POU2F2: variants seen among roughly 807,000 people sequenced by gnomAD.
POU2F2 encodes POU domain, class 2, transcription factor 2.
Under a neutral mutation model 63.5 loss-of-function variants are expected in POU2F2, and 14 were observed. That is an observed-to-expected ratio of 0.22 (90% CI 0.15 to 0.34). The LOEUF is 0.34. Ranked by LOEUF, POU2F2 falls within the 10% of genes least tolerant of loss-of-function variation. The probability of loss-of-function intolerance (pLI) is 1.00; values close to 1 mark genes in which losing one functional copy is unlikely to be tolerated. For synonymous variants in POU2F2, 306 were observed against 348.6 expected (o/e 0.88, Z 1.36); for missense variants, 607 against 815.2 (o/e 0.74, Z 3.11).
At chr19:42,194,067 C>T (rs188694558) in intron 1 of POU2F2, among the ~76,000 whole-genome samples, 26 of 152,300 alleles carry the variant, frequency 1.7e-4, no homozygotes, top group African/African-American at 5.3e-4. Context: ...ATAAAATTAA[C>T]TCTATCACTG....
At chr19:42,151,997 C>A (rs971950681) in intron 2 of POU2F2, among the ~76,000 whole-genome samples, 3 of 152,158 alleles carry the variant, frequency 2.0e-5, no homozygotes, top group East Asian at 3.9e-4. Flanking sequence ...ACCTGGCTAG[C>A]GGTGGCTGGG....
At chr19:42,148,174 C>T (rs1466900338) in intron 2 of POU2F2, among the ~76,000 whole-genome samples, 1 of 152,076 alleles carries the variant, frequency 6.6e-6, no homozygotes, top group Non-Finnish European at 1.5e-5. Context: ...CTCATCTCCA[C>T]CCCAAGACCC....
intron 1 of POU2F2, among the ~76,000 whole-genome samples, chr19:42,193,217 C>CAAAAAA (rs1046136227): frequency 1.5e-5 from 1 of 65,986 alleles, no homozygotes. Flanking sequence ...GACTCCGTCT[C>CAAAAAA]AAAAAAAAAA....
chr19:42,131,687 C>G lies in POU2F2; in HGVS notation c.28+697G>C, dbSNP rs140868494. 2.6e-3 allele frequency among the ~76,000 whole-genome samples: 391 copies of G among 152,338 alleles called. 2 individuals carry two copies. The highest frequency in any genetic ancestry group is 4.1e-3 in the Non-Finnish European group (278 of 68,034). On this transcript the variant is annotated intron_variant, in intron 1 of 14. Transcript: ENST00000692977. ...AGAAGGCATTTAATAAGCACACAAA[C>G]AAACACATAATGAAATTCCCAGCAG...
intron 1 of POU2F2, among the ~76,000 whole-genome samples, chr19:42,129,864 G>A (rs568054873): frequency 2.0e-5 from 3 of 152,310 alleles, no homozygotes; most frequent in South Asian, 2.1e-4. Flanking sequence ...CCACAGCTGC[G>A]CTGACAGCAG....
intron 14 of POU2F2, 75 bp downstream of exon 14, chr19:42,091,792 G>A (rs1432241286): frequency 2.6e-6 from 4 of 1,544,566 alleles, no homozygotes; most frequent in Non-Finnish European, 2.6e-6. Flanking sequence ...GGCATGGCTG[G>A]AGCAGCAATG....
rs901083089 is a variant in POU2F2, at chr19:42,152,285, G to A, written c.-9+8047C>T. Among the ~76,000 whole-genome samples, 14 of 152,068 alleles carry A rather than the reference G, an allele frequency of 9.2e-5. No homozygotes were observed. Among genetic ancestry groups the A allele is most frequent in the East Asian group, 3.9e-4 (2 of 5,188 alleles). Reference sequence around the variant, plus strand: ...TGAGGTGACTCTCGGGGAGAGGGCCGCAGCGAAGAAGAAGAGGGGGAGAAT... The same window carrying A: ...TGAGGTGACTCTCGGGGAGAGGGCCACAGCGAAGAAGAAGAGGGGGAGAAT... On this transcript the variant is annotated intron_variant, in intron 2 of 6. Coordinates refer to the POU2F2 transcript ENST00000524801. The surrounding 1 kb of genome is among the most constrained non-coding windows in gnomAD (Gnocchi z 4.1).
chr19:42,176,259 C>G (rs2034877706), upstream of POU2F2, among the ~76,000 whole-genome samples: 1 of 152,174 alleles, frequency 6.6e-6, no homozygotes, highest in South Asian at 2.1e-4. Flanking sequence ...TCTTCTCTGT[C>G]CTCGCTCCTT....
At position 42,092,510 on chromosome 19, in the gene POU2F2, C is replaced by T. The variant is rs1158890530; in HGVS notation, c.1265-240G>A. ...CTTCCTGCTGAGCCCTGGCACTCTA[C>T]ACTCCCTGCCCTGAACCACTTTTTT... is the stretch of plus-strand genomic sequence containing the variant. On this transcript the variant is annotated intron_variant, in intron 12 of 14. Coordinates refer to ENST00000692977, the MANE Select transcript of POU2F2 (RefSeq NM_001394376.1). The surrounding 1 kb of genome is among the most constrained non-coding windows in gnomAD (Gnocchi z 5.0). 6.6e-6 allele frequency among the ~76,000 whole-genome samples: 1 copy of T among 152,206 alleles called. No homozygotes were observed. The highest frequency in any genetic ancestry group is 1.5e-5 in the Non-Finnish European group (1 of 68,022).
intron 5 of POU2F2, among the ~76,000 whole-genome samples, chr19:42,113,795 A>G (rs2031468853): frequency 6.6e-6 from 1 of 152,152 alleles, no homozygotes; most frequent in African/African-American, 2.4e-5. Flanking sequence ...AGGCATGAGA[A>G]GTGGACTGGG....
intron 1 of POU2F2, among the ~76,000 whole-genome samples, chr19:42,189,792 G>A (rs1296426500): frequency 6.6e-6 from 1 of 152,018 alleles, no homozygotes; most frequent in Non-Finnish European, 1.5e-5. Flanking sequence ...TGCAGTGGTG[G>A]GATCATGGTA....
intron 1 of POU2F2, among the ~76,000 whole-genome samples, chr19:42,128,838 CTT>C (rs57927769): frequency 1.4e-5 from 2 of 143,396 alleles, no homozygotes; most frequent in Non-Finnish European, 1.5e-5. Context: ...AGGTGATTCT[CTT>C]TTTTTTTTTT....
At chr19:42,131,816 G>A (rs951019354) in intron 1 of POU2F2, among the ~76,000 whole-genome samples, 1 of 152,074 alleles carries the variant, frequency 6.6e-6, no homozygotes, top group African/African-American at 2.4e-5. Flanking sequence ...CCCTGAGGAG[G>A]TGACATCTGA....
At chr19:42,140,417 C>T (rs1369854084) in intron 2 of POU2F2, among the ~76,000 whole-genome samples, 1 of 152,252 alleles carries the variant, frequency 6.6e-6, no homozygotes. Flanking sequence ...AAACCCAGTC[C>T]CCTTACTGTG....
chr19:42,097,346 C>T (rs1211371215), intron 7 of POU2F2, among the ~76,000 whole-genome samples: 6 of 151,908 alleles, frequency 3.9e-5, no homozygotes, highest in Non-Finnish European at 5.9e-5. Flanking sequence ...TATAGGCATA[C>T]GCCACCACAC....
intron 1 of POU2F2, among the ~76,000 whole-genome samples, chr19:42,195,083 G>GAGGGAGGA (rs1568430877): frequency 1.7e-4 from 2 of 11,562 alleles, no homozygotes; most frequent in Non-Finnish European, 2.2e-4. Context: ...GGAAGGGAGG[G>GAGGGAGGA]AGGAAGGGAG....
intron 1 of POU2F2, among the ~76,000 whole-genome samples, chr19:42,185,740 T>C (rs1330017662): frequency 1.3e-5 from 2 of 152,180 alleles, no homozygotes; most frequent in Non-Finnish European, 1.5e-5. Flanking sequence ...TCTATACTTG[T>C]ATGACCTCCA....
exon 1 of POU2F2, chr19:42,196,499 ACTC>A (rs2035147212): frequency 6.7e-6 from 1 of 149,768 alleles, no homozygotes; most frequent in Non-Finnish European, 1.5e-5. Context: ...ACTCTGTTGA[ACTC>A]CTCCTCAGCC....
At chr19:42,133,316 G>C (rs2033887312), upstream of POU2F2, 1 of 152,114 alleles carries the variant, frequency 6.6e-6, no homozygotes, top group Non-Finnish European at 1.5e-5. This position sits in a 1 kb window ranked among gnomAD's most constrained non-coding sequence, Gnocchi z 5.1. Flanking sequence ...CCCTCCCTCC[G>C]CTCCCCTCCC....
Sources: allele counts gnomAD v4.1 joint callset (sites outside exome capture counted in the v4.1 genomes callset), GRCh38; gene constraint gnomAD v4.1.1; non-coding constraint Gnocchi (gnomAD v3.1); transcripts MANE v1.5; gene names NCBI Gene and HGNC (gene_info 2026-07-23, HGNC 2026-07-21).